Variants in SMARCA2 observed in about 807,000 individuals in gnomAD.
SMARCA2 encodes SWI/SNF related BAF chromatin remodeling complex subunit ATPase 2, also known as SWI/SNF-related matrix-associated actin-dependent regulator of chromatin subfamily A member 2.
A neutral mutation model predicts 199.8 loss-of-function variants in SMARCA2; 61 were observed. The observed-to-expected ratio is 0.31, with a 90% CI of 0.25 to 0.38. The LOEUF is 0.38. SMARCA2 is among the 10% of genes least tolerant of loss of function. The pLI, the probability that SMARCA2 is intolerant of heterozygous loss-of-function variation, is 1.00. For missense variants in SMARCA2, 1,344 were observed against 2,012.2 expected (o/e 0.67, Z 6.35); for synonymous variants, 935 against 732.0 (o/e 1.28, Z -4.48).
chr9:2,184,196 C>T (rs561427239), intron 31 of SMARCA2, among the ~76,000 whole-genome samples: 10 of 152,220 alleles, frequency 6.6e-5, no homozygotes, highest in Admixed American at 3.3e-4. Flanking sequence ...ATAGTCCATT[C>T]GGACTGATAC....
intron 27 of SMARCA2, among the ~76,000 whole-genome samples, chr9:2,136,260 T>A (rs1824192134): frequency 6.7e-6 from 1 of 150,062 alleles, no homozygotes; most frequent in South Asian, 2.1e-4. Flanking sequence ...CGATCTTGGC[T>A]CACTGCAACC....
intron 4 of SMARCA2, 163 bp downstream of exon 4, chr9:2,040,063 G>T: frequency 7.5e-7 from 1 of 1,339,960 alleles, no homozygotes; most frequent in Admixed American, 2.6e-5. Context: ...AAGATTCTTG[G>T]TCTTCCCCTG....
Position 2,170,348 on chromosome 9 carries a change from A to G in SMARCA2, c.4200-71A>G. On this transcript the variant is annotated intron_variant, in intron 28 of 33. Coordinates refer to ENST00000349721, the MANE Select transcript of SMARCA2 (RefSeq NM_003070.5). This position sits in a 1 kb window ranked among gnomAD's most constrained non-coding sequence, Gnocchi z 4.7. ...GAGGCTTGGCCAGGTCACCCAGCCTAGGAAGAAGGAGCCGGGCGGGGACGA... is the reference window on the plus strand; with the variant it reads ...GAGGCTTGGCCAGGTCACCCAGCCTGGGAAGAAGGAGCCGGGCGGGGACGA... 1 of 1,602,292 alleles carries G rather than the reference A, an allele frequency of 6.2e-7. No individual in the cohort carries two copies. Among genetic ancestry groups the G allele is most frequent in the South Asian group, 1.1e-5 (1 of 89,624 alleles).
intron 29 of SMARCA2, among the ~76,000 whole-genome samples, chr9:2,177,388 A>G (rs1280106014): frequency 6.6e-6 from 1 of 152,130 alleles, no homozygotes; most frequent in African/African-American, 2.4e-5. Context: ...TATTTCAGCT[A>G]TGGTTAAGAT....
chr9:2,132,800 G>A (rs1256730217), intron 27 of SMARCA2, among the ~76,000 whole-genome samples: 1 of 152,102 alleles, frequency 6.6e-6, no homozygotes, highest in South Asian at 2.1e-4. Context: ...TGAATTGTTT[G>A]GAAAAATACT....
rs1448368419 is a variant in SMARCA2, at chr9:2,056,374, G to C, written c.1174-298G>C. Among the ~76,000 whole-genome samples, 2 of 152,128 alleles carry C rather than the reference G, an allele frequency of 1.3e-5. No homozygotes were observed. The highest frequency in any genetic ancestry group is 6.5e-5 in the Admixed American group (1 of 15,272). On this transcript the variant is annotated intron_variant, in intron 6 of 33. Coordinates refer to ENST00000349721, the MANE Select transcript of SMARCA2 (RefSeq NM_003070.5). This position sits in a 1 kb window ranked among gnomAD's most constrained non-coding sequence, Gnocchi z 4.0. Reference sequence around the variant, plus strand: ...CTAATTGGTATCATTAGAATAATTAGAGAAAATGAAGTTATTTAAAAGGCA... The same window carrying C: ...CTAATTGGTATCATTAGAATAATTACAGAAAATGAAGTTATTTAAAAGGCA...
At chr9:2,187,313 C>A (rs1432310344) in intron 32 of SMARCA2, among the ~76,000 whole-genome samples, 1 of 152,102 alleles carries the variant, frequency 6.6e-6, no homozygotes, top group East Asian at 1.9e-4. Flanking sequence ...CATTGTTTGA[C>A]CCTAGTTCCA....
chr9:2,087,819 C>T (rs1821866015), intron 18 of SMARCA2, among the ~76,000 whole-genome samples: 1 of 152,316 alleles, frequency 6.6e-6, no homozygotes, highest in African/African-American at 2.4e-5. Context: ...TGTTGAGGCA[C>T]ATGGGCCCAT....
chr9:2,027,685 C>T (rs557298088), intron 1 of SMARCA2: 1 of 152,238 alleles, frequency 6.6e-6, no homozygotes, highest in African/African-American at 2.4e-5. Flanking sequence ...GTGTACTGCC[C>T]CTCCAGCCCG....
chr9:2,073,350 A>T lies in SMARCA2; in HGVS notation c.1877+8A>T. The stretch of plus-strand genomic sequence containing the variant: ...GCTGGAAATGAATCCTGGGTAAGGC[A>T]TGAAAGCAGCGTTCATGGTGTTCTT... On this transcript the variant is annotated splice_region_variant and intron_variant, in intron 11 of 33. Coordinates refer to ENST00000349721, the MANE Select transcript of SMARCA2 (RefSeq NM_003070.5). 1 of 1,614,154 alleles carries T rather than the reference A, an allele frequency of 6.2e-7. No individual in the cohort carries two copies. Among genetic ancestry groups the T allele is most frequent in the Non-Finnish European group, 8.5e-7 (1 of 1,180,014 alleles).
chr9:2,142,405 TC>T (rs969743282), intron 27 of SMARCA2, among the ~76,000 whole-genome samples: 2 of 151,860 alleles, frequency 1.3e-5, no homozygotes, highest in Non-Finnish European at 3.0e-5. Context: ...AGAGGGAACT[TC>T]CTTATGCTTG....
At chr9:2,098,986 T>C (rs1822392094) in intron 21 of SMARCA2, among the ~76,000 whole-genome samples, 1 of 151,930 alleles carries the variant, frequency 6.6e-6, no homozygotes, top group Non-Finnish European at 1.5e-5. Context: ...ACATGTATTG[T>C]TGAAGGGGAT....
rs1158330529 is a variant in SMARCA2, at chr9:2,161,369, C to T, written c.3982-317C>T. Among the ~76,000 whole-genome samples, 9 of 151,754 alleles carry T rather than the reference C, an allele frequency of 5.9e-5. No individual in the cohort carries two copies. The highest frequency in any genetic ancestry group is 1.0e-4 in the Non-Finnish European group (7 of 67,930). Reference sequence around the variant, plus strand: ...TTGTTCTTAAACTGAGCTAAAATTTCATCTGGATTCAGTTATCATCAAACA... The same window carrying T: ...TTGTTCTTAAACTGAGCTAAAATTTTATCTGGATTCAGTTATCATCAAACA... On this transcript the variant is annotated intron_variant, in intron 27 of 33. Transcript: ENST00000349721. The surrounding 1 kb of genome is among the most constrained non-coding windows in gnomAD (Gnocchi z 4.7).
At position 2,119,509 on chromosome 9, in the gene SMARCA2, C is replaced by G; in HGVS notation, c.3736C>G (p.Arg1246Gly). 1 of 1,612,220 alleles carries G rather than the reference C, an allele frequency of 6.2e-7. No homozygotes were observed. Among genetic ancestry groups the G allele is most frequent in the Middle Eastern group, 1.6e-4 (1 of 6,062 alleles). The change falls in exon 26 of 34, where the codon CGA becomes GGA. Residue 1246 changes from arginine (R) to glycine (G), a missense_variant. Transcript: ENST00000349721. The surrounding 1 kb of genome is among the most constrained non-coding windows in gnomAD (Gnocchi z 4.6). ...GACTCTGAACCAAATGATTGCTCGA[C>G]GAGAAGAAGAATTTGACCTTTTTAT... is the stretch of plus-strand genomic sequence containing the variant. ...DETLNQMIAR[R>G]EEEFDLFMRM...
In SMARCA2 at chr9:2,033,073, A is replaced by C. The variant is rs939102938; in HGVS notation, c.347A>C (p.His116Pro). 1 of 1,613,978 alleles carries C rather than the reference A, an allele frequency of 6.2e-7. No homozygotes were observed. The highest frequency in any genetic ancestry group is 8.5e-7 in the Non-Finnish European group (1 of 1,179,974). ...CCTCCCCAGAGTCCAATGGATCAAC[A>C]CAGCCAAGGTTTGTGTCCGCTGCAC... ...MGPPQSPMDQ[H>P]SQGYMSPHPS... is the part of the protein sequence containing the mutation. Residue 116 changes from histidine to proline, a missense_variant, in exon 3 of 34, where the codon CAC becomes CCC. Coordinates refer to ENST00000349721, the MANE Select transcript of SMARCA2 (RefSeq NM_003070.5).
At chr9:2,190,564 G>A (rs1335804613) in intron 32 of SMARCA2, among the ~76,000 whole-genome samples, 5 of 152,118 alleles carry the variant, frequency 3.3e-5, no homozygotes, top group East Asian at 1.9e-4. Flanking sequence ...AAGTATGTAC[G>A]TGTGTATATA....
At chr9:2,149,183 C>A (rs903235333) in intron 27 of SMARCA2, among the ~76,000 whole-genome samples, 1 of 151,226 alleles carries the variant, frequency 6.6e-6, no homozygotes, top group Non-Finnish European at 1.5e-5. Context: ...AAAGGCACTT[C>A]TTACATGGTG....
Position 2,110,472 on chromosome 9 carries a change from T to C in SMARCA2, c.3456+55T>C. 1 of 1,395,834 alleles carries C rather than the reference T, an allele frequency of 7.2e-7. No individual in the cohort carries two copies. The highest frequency in any genetic ancestry group is 9.7e-7 in the Non-Finnish European group (1 of 1,027,900). The allele number at this position is 1,395,834 out of a possible 1,614,324, so 86.5% of individuals were successfully genotyped here. ...CTCCCTCTGGAGAGCAACTAAAAGA[T>C]GATCAGTTTCATTATTCACATTTAC... is the stretch of plus-strand genomic sequence containing the variant. On this transcript the variant is annotated intron_variant, in intron 24 of 33. Coordinates refer to ENST00000349721, the MANE Select transcript of SMARCA2 (RefSeq NM_003070.5). The surrounding 1 kb of genome is among the most constrained non-coding windows in gnomAD (Gnocchi z 4.8).
At chr9:2,045,359 T>A (rs1050291787) in intron 4 of SMARCA2, 1 of 152,190 alleles carries the variant, frequency 6.6e-6, no homozygotes, top group Non-Finnish European at 1.5e-5. Context: ...TTAAAATGAA[T>A]GTTAGAAATC....
Sources: allele counts gnomAD v4.1 joint callset (sites outside exome capture counted in the v4.1 genomes callset), GRCh38; gene constraint gnomAD v4.1.1; non-coding constraint Gnocchi (gnomAD v3.1); transcripts MANE v1.5; gene names NCBI Gene and HGNC (gene_info 2026-07-23, HGNC 2026-07-21).